ORC4: variants seen among roughly 807,000 people sequenced by gnomAD.
The protein encoded by ORC4 is origin recognition complex, subunit 4 homolog.
A neutral mutation model predicts 63.9 loss-of-function variants in ORC4; 55 were observed. The ratio of observed to expected loss-of-function variants is 0.86; its 90% CI spans 0.69 to 1.08. The LOEUF is 1.08. Among genes scored for constraint, ORC4 ranks in the 50% least tolerant of loss-of-function variants. ORC4 has a pLI of 0.00. For synonymous variants in ORC4, 150 were observed against 168.5 expected (o/e 0.89, Z 0.85); for missense variants, 511 against 504.4 (o/e 1.01, Z -0.13).
chr2:148,003,340 G>A (rs1341842431), intron 1 of ORC4, among the ~76,000 whole-genome samples: 1 of 152,200 alleles, frequency 6.6e-6, no homozygotes, highest in African/African-American at 2.4e-5. Flanking sequence ...TATCCCTGAT[G>A]AACATCAATG....
At chr2:147,960,247 A>C (rs1025879545) in intron 4 of ORC4, 2 of 985,158 alleles carry the variant, frequency 2.0e-6, no homozygotes, top group African/African-American at 1.7e-5. Flanking sequence ...CTTACTTTAA[A>C]CACCAACTTA....
chr2:147,939,197 C>A lies in ORC4; in HGVS notation c.901G>T (p.Asp301Tyr), dbSNP rs775562310. ...TASHPFMTAVDLMEASQLCSM... is the reference protein window; with the variant it reads ...TASHPFMTAVYLMEASQLCSM... ...CACAGTTGGCTTGCTTCCATTAGATCTACGGCAGTCATAAATGGGTGCGAT... is the reference window on the plus strand; with the variant it reads ...CACAGTTGGCTTGCTTCCATTAGATATACGGCAGTCATAAATGGGTGCGAT... The change falls in exon 11 of 14, where the codon GAT (aspartate) becomes TAT (tyrosine). Residue 301 changes from aspartate to tyrosine, a missense_variant. Physicochemically the swap from Asp to Tyr is radical, Grantham distance 160. Coordinates refer to ENST00000392857, the MANE Select transcript of ORC4 (RefSeq NM_181741.4). The A allele has an allele frequency of 1.9e-6, 3 of 1,613,100 alleles. No homozygotes were observed. The East Asian group carries it at 6.7e-5, about 36-fold the overall frequency.
chr2:147,948,991 C>T (rs995497044), intron 8 of ORC4, among the ~76,000 whole-genome samples: 17 of 144,986 alleles, frequency 1.2e-4, no homozygotes, highest in African/African-American at 4.0e-4. Context: ...TATTATAGTA[C>T]ACAGCATATT....
At chr2:147,984,518 G>C (rs1180487648) in intron 1 of ORC4, among the ~76,000 whole-genome samples, 1 of 152,090 alleles carries the variant, frequency 6.6e-6, no homozygotes, top group Non-Finnish European at 1.5e-5. Context: ...ATTTTCAACT[G>C]CTTTTGGTAG....
chr2:147,992,295 C>T (rs543852742), intron 1 of ORC4, among the ~76,000 whole-genome samples: 3 of 152,132 alleles, frequency 2.0e-5, no homozygotes, highest in South Asian at 4.2e-4. Context: ...ATGGGGCTTC[C>T]CTCTGTCAAC....
intron 4 of ORC4, among the ~76,000 whole-genome samples, chr2:147,959,361 CT>C (rs3835752): frequency 6.6e-6 from 1 of 151,382 alleles, no homozygotes; most frequent in Non-Finnish European, 1.5e-5. Context: ...CCAATGCATT[CT>C]TTTTTTTAAA....
intron 9 of ORC4, among the ~76,000 whole-genome samples, chr2:147,946,337 T>C (rs562996633): frequency 1.3e-5 from 2 of 151,452 alleles, no homozygotes; most frequent in East Asian, 3.9e-4. Context: ...TTAAATACTA[T>C]GAAAGACTAC....
At chr2:147,964,479 T>C (rs1398491720) in intron 4 of ORC4, among the ~76,000 whole-genome samples, 1 of 152,178 alleles carries the variant, frequency 6.6e-6, no homozygotes, top group Non-Finnish European at 1.5e-5. Flanking sequence ...TGTATTATTG[T>C]ACTTTCAGGA....
At chr2:148,019,112 G>A (rs1693503072) in intron 1 of ORC4, among the ~76,000 whole-genome samples, 1 of 151,764 alleles carries the variant, frequency 6.6e-6, no homozygotes, top group African/African-American at 2.4e-5. Context: ...CAGACAATTG[G>A]TTACACTACA....
At chr2:148,000,102 G>A (rs1206837881) in intron 1 of ORC4, among the ~76,000 whole-genome samples, 1 of 151,492 alleles carries the variant, frequency 6.6e-6, no homozygotes, top group Non-Finnish European at 1.5e-5. Context: ...AATAGGTCCA[G>A]GAGGTAGAAT....
intron 1 of ORC4, among the ~76,000 whole-genome samples, chr2:147,997,808 A>G (rs184257758): frequency 5.6e-4 from 86 of 152,340 alleles, no homozygotes; most frequent in African/African-American, 1.9e-3. Flanking sequence ...TTGCACATTT[A>G]AATCAAATCT....
chr2:147,933,450 CTAATG>C lies in ORC4; in HGVS notation c.*2055_*2059del, dbSNP rs920315421. On this transcript the variant is annotated 3_prime_UTR_variant, in exon 14 of 14. Transcript: ENST00000392857. ...GTACACTTCATTTGTGTAACTTTTCCTAATGTATTTTTTTTTAATTTGCTTTATAA... is the reference window on the plus strand; with the variant it reads ...GTACACTTCATTTGTGTAACTTTTCCTATTTTTTTTTAATTTGCTTTATAA... The C allele has an allele frequency of 7.2e-5, 11 of 152,100 alleles. No homozygotes were observed. Among genetic ancestry groups the C allele is most frequent in the African/African-American group, 2.2e-4 (9 of 41,502 alleles). 9.4% of individuals were successfully genotyped at this position (152,100 alleles called of 1,614,324 possible).
intron 8 of ORC4, among the ~76,000 whole-genome samples, chr2:147,950,926 C>T (rs1688924452): frequency 6.6e-6 from 1 of 151,014 alleles, no homozygotes; most frequent in South Asian, 2.1e-4. Flanking sequence ...ACCACAGCCA[C>T]TTCCACCCAA....
intron 1 of ORC4, among the ~76,000 whole-genome samples, chr2:148,020,369 CTA>C (rs1341014121): frequency 6.6e-6 from 1 of 152,204 alleles, no homozygotes; most frequent in East Asian, 1.9e-4. Flanking sequence ...TCCTCACCTA[CTA>C]CCCCGATGCA....
chr2:148,021,513 A>C, upstream of ORC4: 1 of 567,594 alleles, frequency 1.8e-6, no homozygotes, highest in Admixed American at 2.4e-5. Flanking sequence ...TGCTGCTGCT[A>C]CTGCTGCTGC....
At chr2:147,986,078 C>T (rs1420103568) in intron 1 of ORC4, among the ~76,000 whole-genome samples, 2 of 152,144 alleles carry the variant, frequency 1.3e-5, no homozygotes, top group Admixed American at 6.5e-5. Flanking sequence ...TCTATGTGTA[C>T]AATTTGTATT....
chr2:147,954,800 T>C (rs1689151516), intron 7 of ORC4, among the ~76,000 whole-genome samples: 1 of 152,142 alleles, frequency 6.6e-6, no homozygotes, highest in Non-Finnish European at 1.5e-5. Context: ...ATAATTGTTT[T>C]TGAGGTTGTG....
intron 1 of ORC4, among the ~76,000 whole-genome samples, chr2:148,002,561 C>T (rs929620639): frequency 6.6e-6 from 1 of 151,916 alleles, no homozygotes; most frequent in Non-Finnish European, 1.5e-5. Flanking sequence ...TCTTTAAAAC[C>T]AATGAGAACA....
chr2:147,958,954 A>C, intron 4 of ORC4, 88 bp from the exon 5 acceptor site: 1 of 634,496 alleles, frequency 1.6e-6, no homozygotes, highest in Non-Finnish European at 2.9e-6. Context: ...GTAAGAACAG[A>C]ATATAAATAA....
Sources: gnomAD v4.1 joint callset for allele counts (sites outside exome capture counted in the v4.1 genomes callset) on GRCh38, gnomAD v4.1.1 for gene constraint, MANE v1.5 for transcripts, NCBI Gene and HGNC (gene_info 2026-07-23, HGNC 2026-07-21) for gene names.